The following ANKS6 variants were observed in gnomAD, a reference collection of about 807,000 sequenced individuals.
ANKS6 encodes the protein ankyrin repeat and sterile alpha motif domain containing 6, also known as ankyrin repeat and SAM domain-containing protein 6.
In ANKS6, 47 loss-of-function variants were observed where a neutral mutation model predicts 77.9. The observed-to-expected ratio is 0.60, with a 90% confidence interval of 0.48 to 0.77. The LOEUF (loss-of-function observed/expected upper bound fraction) is 0.77. Ranked by LOEUF, ANKS6 falls within the 30% of genes least tolerant of loss-of-function variation. The probability of loss-of-function intolerance (pLI) is 0.00; values close to 1 mark genes in which losing one functional copy is unlikely to be tolerated. For missense variants in ANKS6, 1,150 were observed against 1,159.1 expected, an observed-to-expected ratio of 0.99 and a Z score of 0.11; for synonymous variants, 488 against 501.7, an observed-to-expected ratio of 0.97 and a Z score of 0.37.
intron 12 of ANKS6, among the ~76,000 whole-genome samples, chr9:98,751,604 C>G (rs140179097): frequency 1.3e-5 from 2 of 152,244 alleles, no homozygotes; most frequent in Non-Finnish European, 2.9e-5. Context: ...AAAAAGGCAT[C>G]TATGTGGAAC....
rs1831300341 is a variant in ANKS6 at position 98,733,245 on chromosome 9, C to T, written c.*3274G>A. 1.0e-6 allele frequency: 1 copy of T among 985,510 alleles called. No individual in the cohort carries two copies. The highest frequency in any genetic ancestry group is 1.2e-6 in the Non-Finnish European group (1 of 830,028). The allele number at this position is 985,510 out of a possible 1,614,324, so 61.0% of individuals were successfully genotyped here. Reference sequence around the variant, plus strand: ...ACAATCTCCTCACAAAACCAGCTGGCCTCCATGTAATTTTGTGGCGCTGAA... The same window carrying T: ...ACAATCTCCTCACAAAACCAGCTGGTCTCCATGTAATTTTGTGGCGCTGAA... On this transcript the variant is annotated 3_prime_UTR_variant, in exon 15 of 15. Coordinates refer to ENST00000353234, the MANE Select transcript of ANKS6 (RefSeq NM_173551.5).
Position 98,794,148 on chromosome 9 carries a change from C to A in ANKS6, c.359+1985G>T, listed in dbSNP as rs1194298541. Among the ~76,000 whole-genome samples, 331 of 109,902 alleles carry A rather than the reference C, an allele frequency of 3.0e-3. 1 individual carries two copies. The highest frequency in any genetic ancestry group is 4.3e-3 in the East Asian group (16 of 3,730). 72.1% of individuals were successfully genotyped at this position (109,902 alleles called of 152,430 possible). On this transcript the variant is annotated intron_variant, in intron 1 of 14. Transcript: ENST00000353234. ...CTGGTGACAGAGCGAGACTCCGTCT[C>A]AAAAAAAAAAAAAAAAAGAACAGGA...
rs1372652200 is a variant in ANKS6, at chr9:98,768,151, C to G, written c.2072G>C (p.Gly691Ala). 3.7e-6 allele frequency: 6 copies of G among 1,613,794 alleles called. No homozygotes were observed. Among genetic ancestry groups the G allele is most frequent in the Non-Finnish European group, 5.1e-6 (6 of 1,180,012 alleles). ...QKPSHRSSPV[G>A]PAPGSSPSEL... ...AGACGGGCTGGACCCCGGTGCTGGCCCCACAGGGCTTGACCGATGGCTGGG... is the reference window on the plus strand; with the variant it reads ...AGACGGGCTGGACCCCGGTGCTGGCGCCACAGGGCTTGACCGATGGCTGGG... Residue 691 changes from glycine (G) to alanine (A), a missense_variant, in exon 11 of 15, where the codon GGG (glycine) becomes GCG (alanine). Gly to Ala is a moderately conservative substitution (Grantham distance 60). Transcript: ENST00000353234.
Position 98,733,219 on chromosome 9 carries a change from A to T in ANKS6, c.*3300T>A. 3.0e-6 allele frequency: 3 copies of T among 985,472 alleles called. No individual in the cohort carries two copies. Among genetic ancestry groups the T allele is most frequent in the Non-Finnish European group, 3.6e-6 (3 of 829,944 alleles). The allele number at this position is 985,472 out of a possible 1,614,324, so 61.0% of individuals were successfully genotyped here. On this transcript the variant is annotated 3_prime_UTR_variant, in exon 15 of 15. Coordinates refer to ENST00000353234, the MANE Select transcript of ANKS6 (RefSeq NM_173551.5). ...CGGTAAACAAAAGAATTAAAAAATA[A>T]ACAATCTCCTCACAAAACCAGCTGG...
intron 3 of ANKS6, 43 bp downstream of exon 3, chr9:98,784,789 C>A: frequency 1.3e-6 from 2 of 1,541,200 alleles, no homozygotes; most frequent in Non-Finnish European, 1.8e-6. Context: ...AGAATGTAGC[C>A]CTATATTCTT....
Position 98,796,436 on chromosome 9 carries a change from T to G in ANKS6, c.56A>C (p.Gln19Pro). ...AFQLLLRACDQGDTETARRLL... is the reference protein window; with the variant it reads ...AFQLLLRACDPGDTETARRLL... Reference sequence around the variant, plus strand: ...CCGCCGCGCCGTCTCCGTGTCGCCCTGGTCACACGCGCGCAGCAGCAGCTG... The same window carrying G: ...CCGCCGCGCCGTCTCCGTGTCGCCCGGGTCACACGCGCGCAGCAGCAGCTG... The change falls in exon 1 of 15, where the codon CAG (glutamine) becomes CCG (proline). Residue 19 changes from glutamine (Q) to proline (P), a missense_variant. Transcript: ENST00000353234. The G allele has an allele frequency of 6.0e-6, 6 of 994,790 alleles. No homozygotes were observed. The highest frequency in any genetic ancestry group is 7.2e-6 in the Non-Finnish European group (6 of 838,210). 61.6% of individuals were successfully genotyped at this position (994,790 alleles called of 1,614,324 possible).
At chr9:98,739,385 C>T (rs337581) in intron 14 of ANKS6, among the ~76,000 whole-genome samples, 111,650 of 152,052 alleles carry the variant, frequency 0.73, 41,082 homozygotes, top group Middle Eastern at 0.78. Context: ...GTGGGAGGAT[C>T]GCTTGAGCCC....
At position 98,733,049 on chromosome 9, in the gene ANKS6, G is replaced by T; in HGVS notation, c.*3470C>A. 1 of 815,968 alleles carries T rather than the reference G, an allele frequency of 1.2e-6. No homozygotes were observed. The highest frequency in any genetic ancestry group is 1.9e-5 in the African/African-American group (1 of 53,752). 50.5% of individuals were successfully genotyped at this position (815,968 alleles called of 1,614,324 possible). On this transcript the variant is annotated 3_prime_UTR_variant, in exon 15 of 15. Coordinates refer to ENST00000353234, the MANE Select transcript of ANKS6 (RefSeq NM_173551.5). ...CTTTCCCTGAGCTGTATACCCAGCA[G>T]GCTTCATCACCACACCATCTCACCG...
At position 98,768,124 on chromosome 9, in the gene ANKS6, T is replaced by C; in HGVS notation, c.2099A>G (p.Glu700Gly). Residue 700 changes from glutamate (E) to glycine (G), a missense_variant, in exon 11 of 15, where the codon GAG becomes GGG. By Grantham distance (98) the Glu-to-Gly change is moderately conservative. Transcript: ENST00000353234. ...GCCACCTGCAGGGGAGGCTGGAAGCTCAGACGGGCTGGACCCCGGTGCTGG... is the reference window on the plus strand; with the variant it reads ...GCCACCTGCAGGGGAGGCTGGAAGCCCAGACGGGCTGGACCCCGGTGCTGG... ...VGPAPGSSPS[E>G]LPASPAGGSA... 6.2e-7 allele frequency: 1 copy of C among 1,612,978 alleles called. No individual in the cohort carries two copies. Among genetic ancestry groups the C allele is most frequent in the Non-Finnish European group, 8.5e-7 (1 of 1,179,708 alleles).
rs748136552 is a variant in ANKS6, at chr9:98,784,107, T to G, written c.958A>C (p.Asn320His). 4.4e-6 allele frequency: 7 copies of G among 1,579,904 alleles called. No individual in the cohort carries two copies. The highest frequency in any genetic ancestry group is 1.8e-5 in the Admixed American group (1 of 56,250). Reference protein sequence around the residue: ...EIADEDPSHVNLVNGDGATPL... With the variant: ...EIADEDPSHVHLVNGDGATPL... ...GTCGCCCCGTCCCCATTGACCAAGTTCACGTGGCTGGGGTCTTCATCGGCA... is the reference window on the plus strand; with the variant it reads ...GTCGCCCCGTCCCCATTGACCAAGTGCACGTGGCTGGGGTCTTCATCGGCA... Residue 320 changes from asparagine (N) to histidine (H), a missense_variant, in exon 4 of 15, where the codon AAC (asparagine) becomes CAC (histidine). Transcript: ENST00000353234.
Position 98,782,477 on chromosome 9 carries a change from C to G in ANKS6, c.1209G>C (p.Leu403=). 1 of 1,613,944 alleles carries G rather than the reference C, an allele frequency of 6.2e-7. No homozygotes were observed. The highest frequency in any genetic ancestry group is 1.1e-5 in the South Asian group (1 of 91,074). The change falls in exon 5 of 15, where the codon CTG becomes CTC. Residue 403 remains leucine (L), a synonymous_variant. Transcript: ENST00000353234. ...GYTAFDLVML[L]NDPDTELVRL... ...CTTGAAATTACCTACCGGGATCATT[C>G]AGCAGCATCACCAGGTCAAAGGCCG...
At chr9:98,793,007 T>C (rs1588425056) in intron 1 of ANKS6, among the ~76,000 whole-genome samples, 1 of 152,242 alleles carries the variant, frequency 6.6e-6, no homozygotes, top group Non-Finnish European at 1.5e-5. Context: ...CTGCCGGAGA[T>C]GGGCATGCTA....
intron 13 of ANKS6, among the ~76,000 whole-genome samples, chr9:98,746,502 G>A (rs377526909): frequency 1.8e-4 from 28 of 152,098 alleles, no homozygotes; most frequent in Admixed American, 1.4e-3. Flanking sequence ...TCAGATAGAC[G>A]GAGTCATTTA....
At position 98,796,442 on chromosome 9, in the gene ANKS6, C is replaced by T; in HGVS notation, c.50G>A (p.Cys17Tyr). The T allele has an allele frequency of 2.0e-6, 2 of 994,938 alleles. No homozygotes were observed. Among genetic ancestry groups the T allele is most frequent in the Non-Finnish European group, 2.4e-6 (2 of 838,166 alleles). The allele number at this position is 994,938 out of a possible 1,614,324, so 61.6% of individuals were successfully genotyped here. ...PPAFQLLLRA[C>Y]DQGDTETARR... ...CGCCGTCTCCGTGTCGCCCTGGTCA[C>T]ACGCGCGCAGCAGCAGCTGGAAGGC... Residue 17 changes from cysteine (C) to tyrosine (Y), a missense_variant, in exon 1 of 15, where the codon TGT (cysteine) becomes TAT (tyrosine). Coordinates refer to ENST00000353234, the MANE Select transcript of ANKS6 (RefSeq NM_173551.5).
chr9:98,787,973 C>T lies in ANKS6; in HGVS notation c.862+2131G>A, dbSNP rs146127062. Among the ~76,000 whole-genome samples, 798 of 152,294 alleles carry T rather than the reference C, an allele frequency of 5.2e-3. 6 individuals are homozygous for T. Among genetic ancestry groups the T allele is most frequent in the African/African-American group, 0.018 (748 of 41,558 alleles). Reference sequence around the variant, plus strand: ...CATGAACCCCACAGCAGCCCTGAGGCGGGTATCACTCCAGCACCCATTTGT... The same window carrying T: ...CATGAACCCCACAGCAGCCCTGAGGTGGGTATCACTCCAGCACCCATTTGT... On this transcript the variant is annotated intron_variant, in intron 2 of 14. Transcript: ENST00000353234.
In ANKS6 at chr9:98,733,935, T is replaced by C; in HGVS notation, c.*2584A>G. 1.0e-6 allele frequency: 1 copy of C among 985,002 alleles called. No homozygotes were observed. Among genetic ancestry groups the C allele is most frequent in the Non-Finnish European group, 1.2e-6 (1 of 829,866 alleles). The allele number at this position is 985,002 out of a possible 1,614,324, so 61.0% of individuals were successfully genotyped here. A position where few individuals can be genotyped will look rare whatever the true frequency, so the allele number is the denominator to read the frequency against. ...TGCCAAGCAAGGGAGGTGCTTCTTG[T>C]GGGGGGAACAGCCACAGGCAGGCTG... is the stretch of plus-strand genomic sequence containing the variant. On this transcript the variant is annotated 3_prime_UTR_variant, in exon 15 of 15. Coordinates refer to ENST00000353234, the MANE Select transcript of ANKS6 (RefSeq NM_173551.5).
At chr9:98,784,912 A>G in intron 2 of ANKS6, 36 bp from the exon 3 acceptor site, 1 of 1,592,996 alleles carries the variant, frequency 6.3e-7, no homozygotes, top group South Asian at 1.1e-5. Flanking sequence ...TAACCACGGA[A>G]AGGTTTAATA....
intron 12 of ANKS6, among the ~76,000 whole-genome samples, chr9:98,755,310 C>T (rs746132560): frequency 1.3e-5 from 2 of 152,234 alleles, no homozygotes; most frequent in African/African-American, 4.8e-5. Flanking sequence ...TCCCTGCTGA[C>T]TTATACTCCT....
At chr9:98,759,734 C>T (rs1832909713) in intron 11 of ANKS6, among the ~76,000 whole-genome samples, 1 of 152,018 alleles carries the variant, frequency 6.6e-6, no homozygotes, top group Non-Finnish European at 1.5e-5. Flanking sequence ...GTGAAATAAG[C>T]CAAGAATGGA....
Sources: allele counts gnomAD v4.1 joint callset (sites outside exome capture counted in the v4.1 genomes callset), GRCh38; gene constraint gnomAD v4.1.1; transcripts MANE v1.5; gene names NCBI Gene and HGNC (gene_info 2026-07-23, HGNC 2026-07-21).